TOP1: variants seen among roughly 807,000 people sequenced by gnomAD.
The protein encoded by TOP1 is DNA topoisomerase 1.
A neutral mutation model predicts 111.1 loss-of-function variants in TOP1; 10 were observed. That is an observed-to-expected ratio of 0.09 (90% CI 0.06 to 0.15). TOP1 has a LOEUF of 0.15. Among genes scored for constraint, TOP1 ranks in the 10% least tolerant of loss-of-function variants. TOP1 has a pLI of 1.00. For missense variants in TOP1, 474 were observed against 926.7 expected (o/e 0.51, Z 6.34); for synonymous variants, 271 against 302.9 (o/e 0.89, Z 1.10).
chr20:41,042,707 T>C (rs2033282519), intron 2 of TOP1, among the ~76,000 whole-genome samples: 1 of 152,194 alleles, frequency 6.6e-6, no homozygotes, highest in Admixed American at 6.5e-5. Flanking sequence ...AAAATTCGAG[T>C]TATAACTTTT....
chr20:41,084,381 C>G, intron 7 of TOP1, 81 bp from the exon 8 acceptor site: 1 of 742,328 alleles, frequency 1.3e-6, no homozygotes, highest in South Asian at 2.0e-5. Context: ...TACAATTTTT[C>G]TTCCTCATGG....
chr20:41,046,859 G>A lies in TOP1; in HGVS notation c.59-14535G>A, dbSNP rs2033340882. Among the ~76,000 whole-genome samples the A allele has an allele frequency of 6.6e-6, 1 of 152,206 alleles. No homozygotes were observed. The highest frequency in any genetic ancestry group is 2.4e-5 in the African/African-American group (1 of 41,470). ...ATTTAACCAGCTTGCTGCTTAAGAA[G>A]CAGAATTAGCAGTGGGCCAGTCATT... On this transcript the variant is annotated intron_variant, in intron 2 of 20. Coordinates refer to ENST00000361337, the MANE Select transcript of TOP1 (RefSeq NM_003286.4). The surrounding 1 kb of genome is among the most constrained non-coding windows in gnomAD (Gnocchi z 4.3).
intron 8 of TOP1, among the ~76,000 whole-genome samples, chr20:41,090,584 C>A (rs1465976224): frequency 6.6e-6 from 1 of 152,110 alleles, no homozygotes; most frequent in African/African-American, 2.4e-5. Flanking sequence ...CTCACTGCAA[C>A]CTTCACCTCC....
In TOP1 at chr20:41,034,397, G is replaced by A. The variant is rs192304028; in HGVS notation, c.58+4942G>A. On this transcript the variant is annotated intron_variant, in intron 2 of 20. Coordinates refer to ENST00000361337, the MANE Select transcript of TOP1 (RefSeq NM_003286.4). The surrounding 1 kb of genome is among the most constrained non-coding windows in gnomAD (Gnocchi z 4.0). ...ATAGAGGCCAGGGTTGGAATAATTA[G>A]CATTTTGCCAACCCCCACCCTCCCT... Among the ~76,000 whole-genome samples the A allele has an allele frequency of 2.3e-3, 351 of 152,270 alleles. No homozygotes were observed. Among genetic ancestry groups the A allele is most frequent in the African/African-American group, 7.9e-3 (330 of 41,564 alleles).
chr20:41,118,108 C>G lies in TOP1; in HGVS notation c.1823-61C>G, dbSNP rs1459527646. Reference sequence around the variant, plus strand: ...GGACGAGGCACTGGGGGAAGACATACTGTGTGTTCACTTTTGGTGTACAAA... The same window carrying G: ...GGACGAGGCACTGGGGGAAGACATAGTGTGTGTTCACTTTTGGTGTACAAA... On this transcript the variant is annotated intron_variant, in intron 17 of 20. Coordinates refer to ENST00000361337, the MANE Select transcript of TOP1 (RefSeq NM_003286.4). The surrounding 1 kb of genome is among the most constrained non-coding windows in gnomAD (Gnocchi z 4.6). 25 of 1,572,760 alleles carry G rather than the reference C, an allele frequency of 1.6e-5. No homozygotes were observed. Among genetic ancestry groups the G allele is most frequent in the African/African-American group, 2.7e-5 (2 of 74,020 alleles).
At position 41,100,443 on chromosome 20, in the gene TOP1, C is replaced by G. The variant is rs537139152; in HGVS notation, c.1163+200C>G. ...TCCACAGGGGATATGTTCCAAGACC[C>G]CCAGTGGATGCCTGCAACTTCGACC... On this transcript the variant is annotated intron_variant, in intron 12 of 20. Coordinates refer to ENST00000361337, the MANE Select transcript of TOP1 (RefSeq NM_003286.4). The surrounding 1 kb of genome is among the most constrained non-coding windows in gnomAD (Gnocchi z 4.4). Among the ~76,000 whole-genome samples the G allele has an allele frequency of 6.6e-6, 1 of 152,258 alleles. No individual in the cohort carries two copies. The highest frequency in any genetic ancestry group is 1.5e-5 in the Non-Finnish European group (1 of 68,016).
In TOP1 at chr20:41,115,504, G is replaced by A; in HGVS notation, c.1707+65G>A. ...CCAGAGCCTCACAGTACCTAAAGGG[G>A]AGGGTTGCTGGCAGATGACTTGGGC... On this transcript the variant is annotated intron_variant, in intron 16 of 20. Transcript: ENST00000361337. The surrounding 1 kb of genome is among the most constrained non-coding windows in gnomAD (Gnocchi z 6.3). 1 of 1,284,536 alleles carries A rather than the reference G, an allele frequency of 7.8e-7. No homozygotes were observed. The highest frequency in any genetic ancestry group is 1.5e-5 in the African/African-American group (1 of 68,448). 79.6% of individuals were successfully genotyped at this position (1,284,536 alleles called of 1,614,324 possible). A position where few individuals can be genotyped will look rare whatever the true frequency, so the allele number is the denominator to read the frequency against.
At position 41,092,398 on chromosome 20, in the gene TOP1, T is replaced by G. The variant is rs996533105; in HGVS notation, c.615-74T>G. On this transcript the variant is annotated intron_variant, in intron 8 of 20. Coordinates refer to ENST00000361337, the MANE Select transcript of TOP1 (RefSeq NM_003286.4). This position sits in a 1 kb window ranked among gnomAD's most constrained non-coding sequence, Gnocchi z 4.3. The stretch of plus-strand genomic sequence containing the variant: ...CTAATCAGTTGAGCGGATAATTATT[T>G]GGCATTTAATCAGTGATGATCCCCA... 75 of 665,852 alleles carry G rather than the reference T, an allele frequency of 1.1e-4. 3 individuals carry two copies. The highest frequency in any genetic ancestry group is 1.8e-5 in the Non-Finnish European group (7 of 391,740). 41.2% of individuals were successfully genotyped at this position (665,852 alleles called of 1,614,324 possible). A position where few individuals can be genotyped will look rare whatever the true frequency, so the allele number is the denominator to read the frequency against.
At chr20:41,111,145 A>G (rs1404378491) in intron 13 of TOP1, among the ~76,000 whole-genome samples, 1 of 152,194 alleles carries the variant, frequency 6.6e-6, no homozygotes, top group Admixed American at 6.5e-5. Flanking sequence ...TTGGTAGTCC[A>G]TGTGCACTAG....
chr20:41,086,392 T>A lies in TOP1; in HGVS notation c.614+1824T>A, dbSNP rs559037837. ...AAATGATTTTTAGAAATAAAGTGAT[T>A]GTGTAAATTAGAGGTTATTATTGGG... On this transcript the variant is annotated intron_variant, in intron 8 of 20. Coordinates refer to ENST00000361337, the MANE Select transcript of TOP1 (RefSeq NM_003286.4). 3.3e-5 allele frequency among the ~76,000 whole-genome samples: 5 copies of A among 152,322 alleles called. No homozygotes were observed. In the South Asian group the frequency reaches 8.3e-4, roughly 25 times the overall value.
In TOP1 at chr20:41,067,309, C is replaced by T. The variant is rs1166370060; in HGVS notation, c.155+5819C>T. 1.3e-5 allele frequency among the ~76,000 whole-genome samples: 2 copies of T among 151,694 alleles called. No homozygotes were observed. Among genetic ancestry groups the T allele is most frequent in the Admixed American group, 6.6e-5 (1 of 15,222 alleles). On this transcript the variant is annotated intron_variant, in intron 3 of 20. Coordinates refer to ENST00000361337, the MANE Select transcript of TOP1 (RefSeq NM_003286.4). This position sits in a 1 kb window ranked among gnomAD's most constrained non-coding sequence, Gnocchi z 4.0. ...CTAATTTTTGTATTTTTGGTAGAGA[C>T]GAGGTTTCACCATATTGGCCAGGCT...
In TOP1 at chr20:41,121,364, G is replaced by C. The variant is rs2034420160; in HGVS notation, c.1951-332G>C. On this transcript the variant is annotated intron_variant, in intron 18 of 20. Coordinates refer to ENST00000361337, the MANE Select transcript of TOP1 (RefSeq NM_003286.4). The surrounding 1 kb of genome is among the most constrained non-coding windows in gnomAD (Gnocchi z 4.2). ...TCTATTTGATAAACAGCTGTCATTT[G>C]TAGCCATCCTCCCAGATGTATGACA... 6.6e-6 allele frequency among the ~76,000 whole-genome samples: 1 copy of C among 152,146 alleles called. No individual in the cohort carries two copies. The highest frequency in any genetic ancestry group is 6.5e-5 in the Admixed American group (1 of 15,268).
intron 13 of TOP1, among the ~76,000 whole-genome samples, chr20:41,111,266 A>G (rs1223159093): frequency 6.6e-6 from 1 of 152,142 alleles, no homozygotes; most frequent in Non-Finnish European, 1.5e-5. Context: ...GAGATTTACT[A>G]CTGACTTGTG....
At position 41,069,848 on chromosome 20, in the gene TOP1, A is replaced by G. The variant is rs191922813; in HGVS notation, c.156-6323A>G. On this transcript the variant is annotated intron_variant, in intron 3 of 20. Transcript: ENST00000361337. This position sits in a 1 kb window ranked among gnomAD's most constrained non-coding sequence, Gnocchi z 4.1. ...GGTGGAGACAGCATTTGAGCTAGCC[A>G]TTCAAAGATGGTTAAAATTTTGCTA... 2.8e-3 allele frequency among the ~76,000 whole-genome samples: 422 copies of G among 152,338 alleles called. 4 individuals carry two copies. Among genetic ancestry groups the G allele is most frequent in the Middle Eastern group, 0.01 (3 of 294 alleles).
In TOP1 at chr20:41,101,761, G is replaced by A. The variant is rs1317735972; in HGVS notation, c.1308+408G>A. On this transcript the variant is annotated intron_variant, in intron 13 of 20. Transcript: ENST00000361337. This position sits in a 1 kb window ranked among gnomAD's most constrained non-coding sequence, Gnocchi z 4.1. ...CCTCACCTCTCTTGGTTATGAGAAG[G>A]GAATGTAGTTTCTGTATATCCTGAA... Among the ~76,000 whole-genome samples, 1 of 152,148 alleles carries A rather than the reference G, an allele frequency of 6.6e-6. No homozygotes were observed. Among genetic ancestry groups the A allele is most frequent in the African/African-American group, 2.4e-5 (1 of 41,406 alleles).
rs1200177033 is a variant in TOP1 at position 41,079,936 on chromosome 20, GA to G, written c.336-144del. On this transcript the variant is annotated intron_variant, in intron 5 of 20. Transcript: ENST00000361337. The surrounding 1 kb of genome is among the most constrained non-coding windows in gnomAD (Gnocchi z 4.0). ...TATCTACTTCACAGGATTGAAGTGA[GA>G]AAAAGTGCTCACAGAACATCTTCAT... is the stretch of plus-strand genomic sequence containing the variant. 16 of 607,862 alleles carry G rather than the reference GA, an allele frequency of 2.6e-5. No homozygotes were observed. The highest frequency in any genetic ancestry group is 4.7e-5 in the Non-Finnish European group (16 of 341,192). The allele number at this position is 607,862 out of a possible 1,614,324, so 37.7% of individuals were successfully genotyped here.
Position 41,110,153 on chromosome 20 carries a change from C to T in TOP1, c.1309-2629C>T, listed in dbSNP as rs1014312286. The stretch of plus-strand genomic sequence containing the variant: ...AAATACAAAAATTAGCCGAGGGTGG[C>T]GCACACCTGTAATCTCAGCTATTCA... On this transcript the variant is annotated intron_variant, in intron 13 of 20. Transcript: ENST00000361337. The surrounding 1 kb of genome is among the most constrained non-coding windows in gnomAD (Gnocchi z 4.2). Among the ~76,000 whole-genome samples, 8 of 152,070 alleles carry T rather than the reference C, an allele frequency of 5.3e-5. No individual in the cohort carries two copies. The highest frequency in any genetic ancestry group is 1.9e-4 in the African/African-American group (8 of 41,416).
chr20:41,057,815 C>A (rs1393107631), intron 2 of TOP1, among the ~76,000 whole-genome samples: 1 of 151,908 alleles, frequency 6.6e-6, no homozygotes, highest in East Asian at 1.9e-4. Flanking sequence ...TTTATTGCAT[C>A]TGGCCTGCAA....
chr20:41,118,119 CT>C lies in TOP1; in HGVS notation c.1823-46del. On this transcript the variant is annotated intron_variant, in intron 17 of 20. Transcript: ENST00000361337. This position sits in a 1 kb window ranked among gnomAD's most constrained non-coding sequence, Gnocchi z 4.6. ...TGGGGGAAGACATACTGTGTGTTCACTTTTGGTGTACAAACTGACCCTCTTG... is the reference window on the plus strand; with the variant it reads ...TGGGGGAAGACATACTGTGTGTTCACTTTGGTGTACAAACTGACCCTCTTG... The C allele has an allele frequency of 6.3e-7, 1 of 1,592,628 alleles. No individual in the cohort carries two copies. The highest frequency in any genetic ancestry group is 8.6e-7 in the Non-Finnish European group (1 of 1,165,576).
Sources: gnomAD v4.1 joint callset for allele counts (sites outside exome capture counted in the v4.1 genomes callset) on GRCh38, gnomAD v4.1.1 for gene constraint, Gnocchi (gnomAD v3.1) non-coding constraint, MANE v1.5 for transcripts, NCBI Gene and HGNC (gene_info 2026-07-23, HGNC 2026-07-21) for gene names.